The following EPYC variants were observed in gnomAD, a reference collection of about 807,000 sequenced individuals.
The protein encoded by EPYC is dermatan sulfate proteoglycan 3.
EPYC carries 28 observed loss-of-function variants against 30.1 expected under a neutral mutation model. That is an observed-to-expected ratio of 0.93 (90% CI 0.69 to 1.28). EPYC has a LOEUF of 1.28. Ranked by LOEUF, EPYC falls within the 50% of genes most tolerant of loss-of-function variation. The pLI, the probability that EPYC is intolerant of heterozygous loss-of-function variation, is 0.00. For missense variants in EPYC, 382 were observed against 383.5 expected (o/e 1.00, Z 0.03); for synonymous variants, 144 against 141.4 (o/e 1.02, Z -0.13).
chr12:91,004,486 T>C (rs889862538), intron 1 of EPYC, among the ~76,000 whole-genome samples: 1 of 152,092 alleles, frequency 6.6e-6, no homozygotes, highest in South Asian at 2.1e-4. Flanking sequence ...ATTTTAAAAT[T>C]TGTGTATTTA....
intron 3 of EPYC, 77 bp downstream of exon 3, chr12:90,978,010 TC>T: frequency 1.5e-6 from 2 of 1,329,868 alleles, no homozygotes; most frequent in Non-Finnish European, 2.0e-6. Context: ...TCATGTGGTT[TC>T]CCTGTAGAGT....
intron 2 of EPYC, among the ~76,000 whole-genome samples, chr12:90,997,146 C>G (rs550740777): frequency 6.6e-6 from 1 of 152,018 alleles, no homozygotes; most frequent in Admixed American, 6.6e-5. Flanking sequence ...AAGACCATAA[C>G]TTAATGTCAT....
intron 2 of EPYC, among the ~76,000 whole-genome samples, chr12:90,978,473 A>C (rs1169881239): frequency 6.6e-6 from 1 of 150,424 alleles, no homozygotes; most frequent in East Asian, 1.9e-4. Context: ...AAATCTTAGA[A>C]GTTGTTTCCA....
chr12:90,966,609 A>G (rs1433998850), intron 6 of EPYC, among the ~76,000 whole-genome samples: 2 of 151,934 alleles, frequency 1.3e-5, no homozygotes, highest in African/African-American at 4.8e-5. Context: ...CTGGTGATAT[A>G]TTTGTCGAGT....
At chr12:90,996,296 C>T (rs541838634) in intron 2 of EPYC, among the ~76,000 whole-genome samples, 17 of 151,488 alleles carry the variant, frequency 1.1e-4, no homozygotes, top group Non-Finnish European at 1.8e-4. Flanking sequence ...GGAAGTTGTC[C>T]GGAATTAGCT....
chr12:90,995,776 AC>A (rs1485034578), intron 2 of EPYC, among the ~76,000 whole-genome samples: 1 of 151,918 alleles, frequency 6.6e-6, no homozygotes, highest in Non-Finnish European at 1.5e-5. Flanking sequence ...GTTCTTAAAT[AC>A]TGTAGCTTAG....
intron 4 of EPYC, chr12:90,972,476 T>C (rs549759357): frequency 5.7e-6 from 1 of 174,098 alleles, no homozygotes; most frequent in East Asian, 1.6e-4. Flanking sequence ...GGAAGTTTAT[T>C]TTTAAAAAGC....
chr12:91,002,440 A>C lies in EPYC; in HGVS notation c.126T>G (p.Asn42Lys). ...TYDATLEDLD[N>K]LYNYENIPVD... The stretch of plus-strand genomic sequence containing the variant: ...CAGGTATGTTTTCATAGTTGTACAA[A>C]TTATCCAGGTCTTCTAAGGTGGCAT... Residue 42 changes from asparagine (N) to lysine (K), a missense_variant, in exon 2 of 7, where the codon AAT (asparagine) becomes AAG (lysine). Transcript: ENST00000261172. 6.2e-7 allele frequency: 1 copy of C among 1,613,028 alleles called. No individual in the cohort carries two copies. Among genetic ancestry groups the C allele is most frequent in the Non-Finnish European group, 8.5e-7 (1 of 1,179,482 alleles).
At chr12:91,003,894 T>C (rs1204451482) in intron 1 of EPYC, among the ~76,000 whole-genome samples, 3 of 152,118 alleles carry the variant, frequency 2.0e-5, no homozygotes, top group African/African-American at 4.8e-5. Flanking sequence ...GGCAGAAGGA[T>C]ATGAAATTCC....
chr12:90,974,074 C>CACACACACA (rs1877124285), intron 3 of EPYC, among the ~76,000 whole-genome samples: 4 of 77,756 alleles, frequency 5.1e-5, no homozygotes, highest in Non-Finnish European at 3.5e-5. Context: ...ACACACACAC[C>CACACACACA]CCTACCTCTC....
chr12:90,989,534 A>C (rs1261369382), intron 2 of EPYC, among the ~76,000 whole-genome samples: 1 of 152,042 alleles, frequency 6.6e-6, no homozygotes, highest in African/African-American at 2.4e-5. Flanking sequence ...AATCTATCCC[A>C]ATGTATAGTT....
intron 3 of EPYC, among the ~76,000 whole-genome samples, chr12:90,977,104 T>A (rs1021339355): frequency 6.6e-6 from 1 of 152,318 alleles, no homozygotes; most frequent in South Asian, 2.1e-4. Context: ...GGCAGAAATA[T>A]TCATGAGAAC....
In EPYC at chr12:90,978,143, G is replaced by C; in HGVS notation, c.285C>G (p.Gly95=). 1.9e-6 allele frequency: 3 copies of C among 1,605,366 alleles called. No individual in the cohort carries two copies. Among genetic ancestry groups the C allele is most frequent in the Non-Finnish European group, 2.6e-6 (3 of 1,176,440 alleles). The part of the protein sequence containing the change: ...EEESTPRLID[G]SSPQEPEFTG... Reference sequence around the variant, plus strand: ...TGAATTCAGGCTCCTGGGGAGAAGAGCCATCAATCAGCCTGGGAGTAGATT... The same window carrying C: ...TGAATTCAGGCTCCTGGGGAGAAGACCCATCAATCAGCCTGGGAGTAGATT... The change falls in exon 3 of 7, where the codon GGC becomes GGG. Residue 95 remains glycine (G), a synonymous_variant. Transcript: ENST00000261172.
chr12:90,981,881 T>G (rs972120505), intron 2 of EPYC, among the ~76,000 whole-genome samples: 1 of 152,122 alleles, frequency 6.6e-6, no homozygotes, highest in Non-Finnish European at 1.5e-5. Flanking sequence ...TACAGCTAAG[T>G]TTCTAATAAG....
chr12:90,964,399 T>C (rs1876843235), intron 6 of EPYC, 73 bp from the exon 7 acceptor site: 12 of 1,017,846 alleles, frequency 1.2e-5, no homozygotes, highest in South Asian at 2.0e-5. Flanking sequence ...CAGTCCACTG[T>C]GCTTCACCCT....
Position 90,978,107 on chromosome 12 carries a change from C to T in EPYC, c.321G>A (p.Leu107=). The T allele has an allele frequency of 1.9e-6, 3 of 1,582,146 alleles. No individual in the cohort carries two copies. Among genetic ancestry groups the T allele is most frequent in the Non-Finnish European group, 2.6e-6 (3 of 1,168,618 alleles). Reference sequence around the variant, plus strand: ...CCTGACCTTCATTTGTGTGTGGCCCCAGAACCCCTGTGAATTCAGGCTCCT... The same window carrying T: ...CCTGACCTTCATTTGTGTGTGGCCCTAGAACCCCTGTGAATTCAGGCTCCT... The part of the protein sequence containing the change: ...SPQEPEFTGV[L]GPHTNEDFPT... Residue 107 remains leucine (L), a synonymous_variant, in exon 3 of 7, where the codon CTG becomes CTA. Transcript: ENST00000261172.
intron 3 of EPYC, among the ~76,000 whole-genome samples, chr12:90,974,066 A>ACACG (rs1555214980): frequency 1.1e-3 from 171 of 150,700 alleles, no homozygotes; most frequent in South Asian, 2.9e-3. Context: ...ACACACACAC[A>ACACG]CACACACCCC....
At chr12:91,002,159 C>T (rs1322247690) in intron 2 of EPYC, among the ~76,000 whole-genome samples, 1 of 113,308 alleles carries the variant, frequency 8.8e-6, no homozygotes, top group Non-Finnish European at 1.6e-5. Context: ...CACTGCATTA[C>T]AGTCTGGGAG....
rs578156900 is a variant in EPYC, at chr12:90,970,133, A to G, written c.709T>C (p.Tyr237His). 1.9e-6 allele frequency: 3 copies of G among 1,611,496 alleles called. No homozygotes were observed. Among genetic ancestry groups the G allele is most frequent in the South Asian group, 2.2e-5 (2 of 90,986 alleles). The change falls in exon 6 of 7, where the codon TAT becomes CAT. Residue 237 changes from tyrosine (Y) to histidine (H), a missense_variant. Tyr to His is a moderately conservative substitution (Grantham distance 83). Transcript: ENST00000261172. ...GIKQEAFKDMYDLHHLYLTDN... is the reference protein window; with the variant it reads ...GIKQEAFKDMHDLHHLYLTDN... ...GTGAGGTACAGATGATGGAGATCATACATGTCCTGTAAACATTCCAAATGT... is the reference window on the plus strand; with the variant it reads ...GTGAGGTACAGATGATGGAGATCATGCATGTCCTGTAAACATTCCAAATGT...
Sources: gnomAD v4.1 joint callset for allele counts (sites outside exome capture counted in the v4.1 genomes callset) on GRCh38, gnomAD v4.1.1 for gene constraint, MANE v1.5 for transcripts, NCBI Gene and HGNC (gene_info 2026-07-23, HGNC 2026-07-21) for gene names.